HNF4G: variants seen among roughly 807,000 people sequenced by gnomAD.
HNF4G encodes hepatocyte nuclear factor 4-gamma.
Under a neutral mutation model 50.9 loss-of-function variants are expected in HNF4G, and 21 were observed. The observed-to-expected ratio is 0.41, with a 90% CI of 0.29 to 0.59. HNF4G has a LOEUF of 0.59. HNF4G is among the 20% of genes least tolerant of loss of function. The pLI is 0.26. For missense variants in HNF4G, 527 were observed against 559.4 expected (o/e 0.94, Z 0.58); for synonymous variants, 198 against 185.6 (o/e 1.07, Z -0.54).
rs755373584 is a variant in HNF4G at position 75,539,992 on chromosome 8, C to T, written c.30C>T (p.Asp10=). ...TGAGGGTATCAGAACCAATACTGGA[C>T]ATGGACATGGCAAATTACAGTGAAG... MMRVSEPIL[D]MDMANYSEVL... The change falls in exon 1 of 10, where the codon GAC becomes GAT. Residue 10 remains aspartate, a synonymous_variant. Coordinates refer to ENST00000396423, the MANE Select transcript of HNF4G (RefSeq NM_004133.5). 4 of 1,592,808 alleles carry T rather than the reference C, an allele frequency of 2.5e-6. No individual in the cohort carries two copies. The South Asian group carries it at 4.4e-5, about 18-fold the overall frequency.
In HNF4G at chr8:75,566,539, T is replaced by G. The variant is rs1180304504; in HGVS notation, c.*2443T>G. The G allele has an allele frequency of 2.0e-5, 3 of 152,498 alleles. No homozygotes were observed. The highest frequency in any genetic ancestry group is 6.5e-5 in the Admixed American group (1 of 15,270). 9.4% of individuals were successfully genotyped at this position (152,498 alleles called of 1,614,324 possible). ...AATATTATATTTTTATATACTGAAC[T>G]GCCATAGATGCTGGAAAAAAGGAAC... On this transcript the variant is annotated 3_prime_UTR_variant, in exon 10 of 10. Coordinates refer to ENST00000396423, the MANE Select transcript of HNF4G (RefSeq NM_004133.5).
intron 2 of HNF4G, among the ~76,000 whole-genome samples, chr8:75,524,539 GC>G (rs1478755684): frequency 6.6e-6 from 1 of 152,068 alleles, no homozygotes; most frequent in African/African-American, 2.4e-5. Context: ...TATTATAGTA[GC>G]CATTAATTTG....
At chr8:75,476,951 A>C (rs1812255761) in intron 1 of HNF4G, among the ~76,000 whole-genome samples, 1 of 152,208 alleles carries the variant, frequency 6.6e-6, no homozygotes, top group Non-Finnish European at 1.5e-5. Context: ...GATTCAATTG[A>C]AAACTAAGTA....
intron 5 of HNF4G, 91 bp downstream of exon 5, chr8:75,553,288 C>T: frequency 1.0e-6 from 1 of 988,796 alleles, no homozygotes; most frequent in African/African-American, 1.6e-5. Flanking sequence ...AATGCATATT[C>T]TATATTACTG....
At chr8:75,472,323 C>T (rs1030966554) in intron 1 of HNF4G, among the ~76,000 whole-genome samples, 1 of 152,136 alleles carries the variant, frequency 6.6e-6, no homozygotes, top group South Asian at 2.1e-4. Context: ...GATGGGGATT[C>T]AAGTTCTCCC....
At chr8:75,431,851 G>A (rs1038180265) in intron 1 of HNF4G, among the ~76,000 whole-genome samples, 1 of 151,896 alleles carries the variant, frequency 6.6e-6, no homozygotes, top group Non-Finnish European at 1.5e-5. Context: ...GCTTTAACCT[G>A]GGAGGCAGAG....
At chr8:75,514,020 C>G (rs1243116962) in intron 2 of HNF4G, among the ~76,000 whole-genome samples, 1 of 151,834 alleles carries the variant, frequency 6.6e-6, no homozygotes, top group Non-Finnish European at 1.5e-5. Context: ...ATTTTTTCCT[C>G]CTTTATCAGT....
At chr8:75,491,209 G>A (rs1295486526) in intron 2 of HNF4G, among the ~76,000 whole-genome samples, 1 of 152,166 alleles carries the variant, frequency 6.6e-6, no homozygotes, top group Non-Finnish European at 1.5e-5. Context: ...AAGAATAAAT[G>A]TGGTATATTT....
At chr8:75,484,507 G>A (rs1414737601) in intron 1 of HNF4G, among the ~76,000 whole-genome samples, 4 of 152,152 alleles carry the variant, frequency 2.6e-5, no homozygotes, top group African/African-American at 9.7e-5. Flanking sequence ...ACTTCTTCAG[G>A]TTCCAGCTTA....
chr8:75,450,837 G>A lies in HNF4G; in HGVS notation c.-143-39252G>A, dbSNP rs950636091. ...CTGAATTAATGTTACTATCATGGGA[G>A]TGGGTCATTATCTCTAGAGTGGGTT... On this transcript the variant is annotated intron_variant, in intron 1 of 10. Coordinates refer to the HNF4G transcript ENST00000354370. 8.6e-4 allele frequency among the ~76,000 whole-genome samples: 131 copies of A among 152,274 alleles called. 1 individual carries two copies. The highest frequency in any genetic ancestry group is 3.0e-3 in the African/African-American group (126 of 41,556).
At chr8:75,524,362 G>A (rs192868489) in intron 2 of HNF4G, among the ~76,000 whole-genome samples, 42 of 152,250 alleles carry the variant, frequency 2.8e-4, no homozygotes, top group African/African-American at 1.0e-3. Flanking sequence ...CTACTGTTGT[G>A]TGCCCAAGCT....
In HNF4G at chr8:75,498,792, A is replaced by G. The variant is rs184040981; in HGVS notation, c.-24+8584A>G. Among the ~76,000 whole-genome samples the G allele has an allele frequency of 4.6e-5, 7 of 152,198 alleles. No homozygotes were observed. In the East Asian group the frequency reaches 1.2e-3, roughly 25 times the overall value. On this transcript the variant is annotated intron_variant, in intron 2 of 10. Coordinates refer to the HNF4G transcript ENST00000354370. Reference sequence around the variant, plus strand: ...CACACTAAAAGAATAAAGAACAAAAACCACATGATCATCTCAGTAGAAACA... The same window carrying G: ...CACACTAAAAGAATAAAGAACAAAAGCCACATGATCATCTCAGTAGAAACA...
intron 5 of HNF4G, among the ~76,000 whole-genome samples, chr8:75,555,430 T>A (rs1807086235): frequency 6.6e-6 from 1 of 152,154 alleles, no homozygotes; most frequent in South Asian, 2.1e-4. Flanking sequence ...AGAAGAATAA[T>A]CTAGAAAGCG....
intron 1 of HNF4G, among the ~76,000 whole-genome samples, chr8:75,434,026 A>G (rs1309193021): frequency 1.4e-5 from 2 of 138,740 alleles, no homozygotes; most frequent in Non-Finnish European, 3.1e-5. Context: ...TTTTTTTGAG[A>G]CAAAGTCTCA....
At chr8:75,484,577 T>C (rs1812454040) in intron 1 of HNF4G, among the ~76,000 whole-genome samples, 2 of 152,208 alleles carry the variant, frequency 1.3e-5, no homozygotes, top group Non-Finnish European at 2.9e-5. Flanking sequence ...CCACATTATG[T>C]TCCCCAGTTA....
chr8:75,436,758 C>T (rs1319072637), intron 1 of HNF4G, among the ~76,000 whole-genome samples: 1 of 152,134 alleles, frequency 6.6e-6, no homozygotes, highest in Non-Finnish European at 1.5e-5. Context: ...AAAATGAGAA[C>T]TTTGTCCAGG....
intron 1 of HNF4G, among the ~76,000 whole-genome samples, chr8:75,457,009 T>C (rs1260899576): frequency 2.6e-5 from 4 of 152,318 alleles, no homozygotes; most frequent in Admixed American, 2.0e-4. Flanking sequence ...CTTCCCAAAG[T>C]ACTAAGATAA....
intron 1 of HNF4G, among the ~76,000 whole-genome samples, chr8:75,450,528 G>A (rs372909951): frequency 6.6e-6 from 1 of 152,092 alleles, no homozygotes; most frequent in African/African-American, 2.4e-5. Context: ...TTTACCTAAT[G>A]GCTATACTAA....
At chr8:75,452,619 T>A (rs1811612330) in intron 1 of HNF4G, among the ~76,000 whole-genome samples, 1 of 149,232 alleles carries the variant, frequency 6.7e-6, no homozygotes, top group Non-Finnish European at 1.5e-5. Flanking sequence ...CTTGGGAGGC[T>A]GAGGCAGGGA....
Sources: gnomAD v4.1 joint callset for allele counts (sites outside exome capture counted in the v4.1 genomes callset) on GRCh38, gnomAD v4.1.1 for gene constraint, MANE v1.5 for transcripts, NCBI Gene and HGNC (gene_info 2026-07-23, HGNC 2026-07-21) for gene names.